FBXO28: variants seen among roughly 807,000 people sequenced by gnomAD.
FBXO28 encodes the protein F-box protein 28, also known as F-box only protein 28.
Under a neutral mutation model 38.1 loss-of-function variants are expected in FBXO28, and 8 were observed. The ratio of observed to expected loss-of-function variants is 0.21; its 90% confidence interval spans 0.12 to 0.38. The LOEUF (loss-of-function observed/expected upper bound fraction) is 0.38. Ranked by LOEUF, FBXO28 falls within the 10% of genes least tolerant of loss-of-function variation. The pLI is 1.00. For missense variants in FBXO28, 345 were observed against 460.6 expected (o/e 0.75, Z 2.30); for synonymous variants, 168 against 173.8 (o/e 0.97, Z 0.26).
At chr1:224,130,764 G>T (rs1202126205) in intron 2 of FBXO28, 183 bp downstream of exon 2, 1 of 493,264 alleles carries the variant, frequency 2.0e-6, no homozygotes, top group African/African-American at 2.0e-5. Context: ...CATTTTACTG[G>T]AGGTTCTAGC....
chr1:224,117,087 T>C (rs765069528), intron 1 of FBXO28, among the ~76,000 whole-genome samples: 3 of 152,026 alleles, frequency 2.0e-5, no homozygotes, highest in Non-Finnish European at 4.4e-5. Context: ...GTGGGAGAAT[T>C]GCTTGAACCT....
chr1:224,120,863 CAAAA>C (rs5781347), intron 1 of FBXO28, among the ~76,000 whole-genome samples: 8 of 118,956 alleles, frequency 6.7e-5, no homozygotes, highest in Admixed American at 1.6e-4. Flanking sequence ...AACTCCATCT[CAAAA>C]AAAAAAAAAA....
intron 4 of FBXO28, 140 bp downstream of exon 4, chr1:224,153,477 A>G (rs1657694136): frequency 1.7e-6 from 1 of 597,368 alleles, no homozygotes; most frequent in Non-Finnish European, 2.8e-6. Flanking sequence ...TGGATTATCA[A>G]CCATAACTTA....
At chr1:224,124,911 A>G (rs983501089) in intron 1 of FBXO28, among the ~76,000 whole-genome samples, 8 of 151,954 alleles carry the variant, frequency 5.3e-5, no homozygotes, top group African/African-American at 1.7e-4. Context: ...TATTTTTAGT[A>G]GAGATGGGGT....
chr1:224,131,300 T>TC (rs200119563), intron 2 of FBXO28, among the ~76,000 whole-genome samples: 6 of 151,286 alleles, frequency 4.0e-5, no homozygotes, highest in African/African-American at 1.5e-4. Context: ...TTTTTTTTTT[T>TC]CCCCAAAACT....
chr1:224,144,492 ACT>A lies in FBXO28; in HGVS notation c.517-8648_517-8647del, dbSNP rs1657450066. Among the ~76,000 whole-genome samples the A allele has an allele frequency of 2.0e-5, 3 of 151,372 alleles. No homozygotes were observed. In the South Asian group the frequency reaches 6.3e-4, roughly 32 times the overall value. On this transcript the variant is annotated intron_variant, in intron 3 of 4. Transcript: ENST00000366862. ...AAAACAAAAAAGGCTAGGTGCAGTG[ACT>A]CACACCTATGATTTCAGCACTTTGG...
intron 1 of FBXO28, among the ~76,000 whole-genome samples, chr1:224,126,219 C>A (rs1368029378): frequency 4.0e-5 from 6 of 148,302 alleles, no homozygotes; most frequent in Non-Finnish European, 7.5e-5. Context: ...TTAAATACTA[C>A]ACTAGCCAGC....
At chr1:224,114,433 C>A (rs553701368) in intron 1 of FBXO28, 37 bp downstream of exon 1, 11 of 1,434,862 alleles carry the variant, frequency 7.7e-6, no homozygotes, top group East Asian at 2.6e-5. Flanking sequence ...CCCTCTCCCC[C>A]CGGCCGAGGT....
At chr1:224,120,880 G>A (rs112712643) in intron 1 of FBXO28, among the ~76,000 whole-genome samples, 35 of 122,486 alleles carry the variant, frequency 2.9e-4, no homozygotes, top group African/African-American at 1.0e-3. Context: ...AAAAAAAAAA[G>A]AAAGAAAGAA....
At position 224,160,724 on chromosome 1, in the gene FBXO28, A is replaced by T. The variant is rs1353982974; in HGVS notation, c.*2978A>T. 1.3e-5 allele frequency: 2 copies of T among 152,216 alleles called. No individual in the cohort carries two copies. Among genetic ancestry groups the T allele is most frequent in the African/African-American group, 4.8e-5 (2 of 41,458 alleles). 9.4% of individuals were successfully genotyped at this position (152,216 alleles called of 1,614,324 possible). On this transcript the variant is annotated 3_prime_UTR_variant, in exon 5 of 5. Transcript: ENST00000366862. ...GTCAAAAGCCACTGATTTGGGAAGC[A>T]ATTTTTTTGCAAAACACTTTTTTTG...
At chr1:224,143,591 G>C (rs957041718) in intron 3 of FBXO28, among the ~76,000 whole-genome samples, 1 of 152,188 alleles carries the variant, frequency 6.6e-6, no homozygotes, top group African/African-American at 2.4e-5. Context: ...TTGGGAGGCC[G>C]AGGCGGGCAG....
intron 3 of FBXO28, among the ~76,000 whole-genome samples, chr1:224,151,772 GT>G (rs1657652705): frequency 1.3e-5 from 2 of 152,118 alleles, no homozygotes; most frequent in African/African-American, 2.4e-5. Flanking sequence ...GTCGGGCATG[GT>G]GGCTCACACC....
intron 3 of FBXO28, among the ~76,000 whole-genome samples, chr1:224,141,490 G>T (rs940668329): frequency 6.7e-6 from 1 of 150,350 alleles, no homozygotes; most frequent in Non-Finnish European, 1.5e-5. Flanking sequence ...AAAAAAAGAT[G>T]CAATCATGCG....
intron 1 of FBXO28, among the ~76,000 whole-genome samples, chr1:224,121,531 C>T (rs1284350194): frequency 2.6e-5 from 4 of 152,136 alleles, no homozygotes; most frequent in African/African-American, 9.7e-5. Context: ...GCTCTGTCAC[C>T]CATGCTGGAG....
At chr1:224,131,228 CA>C (rs1211408708) in intron 2 of FBXO28, among the ~76,000 whole-genome samples, 2 of 151,176 alleles carry the variant, frequency 1.3e-5, no homozygotes, top group Non-Finnish European at 2.9e-5. Context: ...CAATAAGGTA[CA>C]ATATGTTTTG....
At chr1:224,140,685 C>T (rs1247633982) in intron 3 of FBXO28, among the ~76,000 whole-genome samples, 1 of 152,158 alleles carries the variant, frequency 6.6e-6, no homozygotes, top group Non-Finnish European at 1.5e-5. Context: ...TTGCTCACAC[C>T]TGTAATCCCA....
At chr1:224,116,900 C>T (rs529152120) in intron 1 of FBXO28, among the ~76,000 whole-genome samples, 6 of 152,160 alleles carry the variant, frequency 3.9e-5, no homozygotes, top group South Asian at 2.1e-4. Context: ...TTTGGCTGGG[C>T]GCAGTGGCTT....
At chr1:224,131,116 T>A (rs900342804) in intron 2 of FBXO28, 1 of 152,276 alleles carries the variant, frequency 6.6e-6, no homozygotes, top group African/African-American at 2.4e-5. Context: ...AAGACTTAAA[T>A]AAGTGGAAAG....
At chr1:224,117,772 C>A (rs1479875502) in intron 1 of FBXO28, among the ~76,000 whole-genome samples, 1 of 152,022 alleles carries the variant, frequency 6.6e-6, no homozygotes, top group Non-Finnish European at 1.5e-5. Context: ...CTTTGGGAGG[C>A]CAGGGTGGGC....
Sources: allele counts gnomAD v4.1 joint callset (sites outside exome capture counted in the v4.1 genomes callset), GRCh38; gene constraint gnomAD v4.1.1; transcripts MANE v1.5; gene names NCBI Gene and HGNC (gene_info 2026-07-23, HGNC 2026-07-21).